The following CUL2 variants were observed in gnomAD, a reference collection of about 807,000 sequenced individuals.
The protein encoded by CUL2 is cullin-2.
CUL2 carries 22 observed loss-of-function variants against 110.2 expected under a neutral mutation model. The observed-to-expected ratio is 0.20, with a 90% CI of 0.14 to 0.28. The LOEUF (loss-of-function observed/expected upper bound fraction) is 0.28. Among genes scored for constraint, CUL2 ranks in the 10% least tolerant of loss-of-function variants. The pLI, the probability that CUL2 is intolerant of heterozygous loss-of-function variation, is 1.00. For synonymous variants in CUL2, 279 were observed against 293.2 expected (o/e 0.95, Z 0.49); for missense variants, 631 against 905.5 (o/e 0.70, Z 3.89).
chr10:35,016,270 A>C lies in CUL2; in HGVS notation c.1809T>G (p.Thr603=), dbSNP rs768440846. 3.7e-6 allele frequency: 6 copies of C among 1,613,914 alleles called. No homozygotes were observed. Among genetic ancestry groups the C allele is most frequent in the Non-Finnish European group, 5.1e-6 (6 of 1,179,970 alleles). The change falls in exon 18 of 21, where the codon ACT becomes ACG. Residue 603 remains threonine, a synonymous_variant. Coordinates refer to ENST00000374749, the MANE Select transcript of CUL2 (RefSeq NM_003591.4). ...TVSYKELQDS[T]QMNEKELTKT... is the part of the protein sequence containing the mutation. ...TTGTCAGTTCCTTTTCATTCATCTG[A>C]GTGCTGTCCTGAAGCTCTTTATAAC...
intron 6 of CUL2, among the ~76,000 whole-genome samples, chr10:35,045,584 A>G (rs1361102100): frequency 6.7e-6 from 1 of 150,318 alleles, no homozygotes; most frequent in Non-Finnish European, 1.5e-5. Flanking sequence ...GCATGGTGGC[A>G]CATGCTTGTG....
intron 1 of CUL2, among the ~76,000 whole-genome samples, chr10:35,086,124 G>C (rs117153131): frequency 6.6e-5 from 10 of 152,024 alleles, no homozygotes; most frequent in African/African-American, 2.4e-4. Flanking sequence ...GTCCCAGCTC[G>C]GGAAGTGGAG....
In CUL2 at chr10:35,022,094, C is replaced by T. The variant is rs570665749; in HGVS notation, c.1684+3038G>A. ...CTATGTACGTATGTCTGTCTTCCTA[C>T]TAGACATGAGTTTTTTTTGAGGGCC... On this transcript the variant is annotated intron_variant, in intron 17 of 20. Coordinates refer to ENST00000374749, the MANE Select transcript of CUL2 (RefSeq NM_003591.4). 6.6e-5 allele frequency among the ~76,000 whole-genome samples: 10 copies of T among 152,204 alleles called. No individual in the cohort carries two copies. In the South Asian group the frequency reaches 1.7e-3, roughly 25 times the overall value.
intron 17 of CUL2, among the ~76,000 whole-genome samples, chr10:35,020,201 CA>C (rs1398039683): frequency 6.7e-6 from 1 of 150,368 alleles, no homozygotes; most frequent in Non-Finnish European, 1.5e-5. Flanking sequence ...ATAAGTAATC[CA>C]AAGTACTGGA....
intron 2 of CUL2, among the ~76,000 whole-genome samples, chr10:35,065,643 T>C (rs2086500255): frequency 7.0e-6 from 1 of 143,584 alleles, no homozygotes; most frequent in African/African-American, 2.6e-5. Context: ...AAATAAAAAT[T>C]TAAAAAAAGA....
chr10:35,032,372 T>C (rs1232454214), intron 12 of CUL2, 63 bp downstream of exon 12: 8 of 1,341,670 alleles, frequency 6.0e-6, no homozygotes. Context: ...TTTGATATTC[T>C]GAGTTCTCAT....
At chr10:35,061,285 C>A (rs1410747862) in intron 3 of CUL2, among the ~76,000 whole-genome samples, 1 of 151,828 alleles carries the variant, frequency 6.6e-6, no homozygotes, top group African/African-American at 2.4e-5. Context: ...ACCAGCCTGA[C>A]CAACATGGTG....
chr10:35,117,873 GTTTTC>G (rs1216999407), intron 1 of CUL2, among the ~76,000 whole-genome samples: 1 of 152,098 alleles, frequency 6.6e-6, no homozygotes, highest in Non-Finnish European at 1.5e-5. Flanking sequence ...AACTGTCTTT[GTTTTC>G]TTAATAGACT....
chr10:35,017,135 A>G (rs2085056901), intron 17 of CUL2, among the ~76,000 whole-genome samples: 1 of 152,066 alleles, frequency 6.6e-6, no homozygotes, highest in Non-Finnish European at 1.5e-5. Flanking sequence ...GCCTCCTGGG[A>G]GGTCCACAGC....
intron 6 of CUL2, 65 bp downstream of exon 6, chr10:35,049,618 C>A: frequency 7.3e-7 from 1 of 1,362,798 alleles, no homozygotes; most frequent in South Asian, 1.3e-5. Flanking sequence ...CAATTGTACA[C>A]TATTTTAAAA....
upstream of CUL2, among the ~76,000 whole-genome samples, chr10:35,091,941 G>C (rs2087213615): frequency 6.6e-6 from 1 of 151,454 alleles, no homozygotes; most frequent in Admixed American, 6.6e-5. Context: ...CCTGCTTTTT[G>C]TTTTGTTTTG....
At chr10:35,111,645 T>C (rs147972341) in intron 1 of CUL2, among the ~76,000 whole-genome samples, 6,134 of 152,234 alleles carry the variant, frequency 0.04, 412 homozygotes, top group African/African-American at 0.14. Flanking sequence ...ACCAACACTT[T>C]GGGATGCCGA....
chr10:35,043,485 C>T (rs1258337769), intron 8 of CUL2, among the ~76,000 whole-genome samples: 1 of 152,150 alleles, frequency 6.6e-6, no homozygotes, highest in Non-Finnish European at 1.5e-5. Flanking sequence ...GATGACACAA[C>T]AGTGTATCGG....
intron 1 of CUL2, among the ~76,000 whole-genome samples, chr10:35,108,513 G>A (rs2087491183): frequency 6.6e-6 from 1 of 151,992 alleles, no homozygotes; most frequent in South Asian, 2.1e-4. Context: ...GAATAGTTGT[G>A]GGAAAGACAG....
chr10:35,050,942 T>C (rs1000062757), intron 5 of CUL2, among the ~76,000 whole-genome samples: 3 of 152,208 alleles, frequency 2.0e-5, no homozygotes, highest in African/African-American at 7.2e-5. Context: ...AAGCACAAGA[T>C]TTCCCATTAG....
intron 1 of CUL2, among the ~76,000 whole-genome samples, chr10:35,115,349 T>C (rs2087581461): frequency 6.7e-6 from 1 of 148,166 alleles, no homozygotes; most frequent in East Asian, 2.0e-4. Context: ...ATAGCGAGGT[T>C]AGGAATTCAA....
In CUL2 at chr10:35,052,021, T is replaced by G. The variant is rs116120961; in HGVS notation, c.424-2256A>C. On this transcript the variant is annotated intron_variant, in intron 5 of 20. Transcript: ENST00000374749. ...GCCTTCCAAGTTTTCAAGCTTTGCC[T>G]TTCACATTTAGGCCTTTAAACTTCA... Among the ~76,000 whole-genome samples the G allele has an allele frequency of 2.1e-3, 317 of 152,328 alleles. 2 individuals are homozygous for G. The highest frequency in any genetic ancestry group is 7.1e-3 in the African/African-American group (296 of 41,574).
chr10:35,033,140 A>G (rs1207666256), intron 11 of CUL2, 26 bp downstream of exon 11: 2 of 1,397,876 alleles, frequency 1.4e-6, no homozygotes. Flanking sequence ...ATGTACATAT[A>G]TAGTATATAT....
At chr10:35,103,725 G>T (rs2087418602) in intron 1 of CUL2, among the ~76,000 whole-genome samples, 1 of 152,138 alleles carries the variant, frequency 6.6e-6, no homozygotes, top group African/African-American at 2.4e-5. Context: ...CTCCTAAAGT[G>T]CTGGGATTAT....
Sources: gnomAD v4.1 joint callset for allele counts (sites outside exome capture counted in the v4.1 genomes callset) on GRCh38, gnomAD v4.1.1 for gene constraint, MANE v1.5 for transcripts, NCBI Gene and HGNC (gene_info 2026-07-23, HGNC 2026-07-21) for gene names.